Variants in MRAP observed in about 807,000 individuals in gnomAD.
MRAP encodes the protein melanocortin-2 receptor accessory protein.
Under a neutral mutation model 8.7 loss-of-function variants are expected in MRAP, and 8 were observed. The observed-to-expected ratio is 0.92, with a 90% CI of 0.54 to 1.66. MRAP has a LOEUF of 1.66. Ranked by LOEUF, MRAP falls within the 40% of genes most tolerant of loss-of-function variation. The pLI is 0.00. For synonymous variants in MRAP, 95 were observed against 95.5 expected, an observed-to-expected ratio of 1.00 and a Z score of 0.03; for missense variants, 237 against 217.1, an observed-to-expected ratio of 1.09 and a Z score of -0.58.
chr21:32,300,057 T>A (rs2032223689), intron 1 of MRAP, among the ~76,000 whole-genome samples: 1 of 152,192 alleles, frequency 6.6e-6, no homozygotes, highest in Non-Finnish European at 1.5e-5. Flanking sequence ...GTAGGAAGTC[T>A]TAGCTTCCTT....
upstream of MRAP, among the ~76,000 whole-genome samples, chr21:32,294,209 G>C (rs2032100026): frequency 6.6e-6 from 1 of 152,122 alleles, no homozygotes; most frequent in African/African-American, 2.4e-5. Flanking sequence ...CCACCTCCTG[G>C]GTTTACACCA....
intron 1 of MRAP, among the ~76,000 whole-genome samples, chr21:32,292,323 A>G (rs2032562119): frequency 6.6e-6 from 1 of 152,252 alleles, no homozygotes; most frequent in African/African-American, 2.4e-5. Flanking sequence ...TGATGGTTAC[A>G]TGTGAATTAA....
Position 32,301,141 on chromosome 21 carries a change from T to G in MRAP, c.106+2064T>G, listed in dbSNP as rs1474952726. 2.0e-5 allele frequency among the ~76,000 whole-genome samples: 3 copies of G among 150,344 alleles called. No individual in the cohort carries two copies. The East Asian group carries it at 5.8e-4, about 29-fold the overall frequency. Reference sequence around the variant, plus strand: ...ATATGATGGCTAATTTCTTTGTATTTTTAGTAGAGACGTGGTTTCACCGTG... The same window carrying G: ...ATATGATGGCTAATTTCTTTGTATTGTTAGTAGAGACGTGGTTTCACCGTG... On this transcript the variant is annotated intron_variant, in intron 1 of 2. Transcript: ENST00000303645.
At chr21:32,293,418 C>T (rs951059825) in intron 2 of MRAP, among the ~76,000 whole-genome samples, 2 of 152,160 alleles carry the variant, frequency 1.3e-5, no homozygotes, top group Non-Finnish European at 2.9e-5. Flanking sequence ...GTTGCAGCAG[C>T]CATAGCACAC....
upstream of MRAP, among the ~76,000 whole-genome samples, chr21:32,295,447 A>G (rs1178724711): frequency 6.6e-6 from 1 of 152,164 alleles, no homozygotes; most frequent in Admixed American, 6.5e-5. Flanking sequence ...GACCAGTTTT[A>G]GGTGTTTTCT....
chr21:32,307,332 T>C (rs2032444884), intron 2 of MRAP, among the ~76,000 whole-genome samples: 2 of 151,920 alleles, frequency 1.3e-5, no homozygotes, highest in Non-Finnish European at 2.9e-5. Flanking sequence ...CCCAGCACTT[T>C]GGGAGGCTGA....
chr21:32,304,594 A>T (rs554119887), intron 1 of MRAP, among the ~76,000 whole-genome samples: 146 of 151,976 alleles, frequency 9.6e-4, no homozygotes, highest in African/African-American at 3.5e-3. Context: ...CAGCCTGGTG[A>T]CAGATTAAGA....
chr21:32,293,716 A>G (rs1231295698), intron 2 of MRAP, among the ~76,000 whole-genome samples: 1 of 152,250 alleles, frequency 6.6e-6, no homozygotes, highest in Non-Finnish European at 1.5e-5. Flanking sequence ...CTTCACCTTC[A>G]AGACTTGGGT....
intron 2 of MRAP, chr21:32,311,337 C>T: frequency 3.7e-6 from 1 of 272,724 alleles, no homozygotes; most frequent in Non-Finnish European, 7.0e-6. Context: ...TACAAGTTGG[C>T]TTGGGCTATG....
chr21:32,296,005 A>T (rs1223112490), upstream of MRAP, among the ~76,000 whole-genome samples: 7 of 152,128 alleles, frequency 4.6e-5, no homozygotes, highest in Admixed American at 3.3e-4. Flanking sequence ...AACAAAAAAC[A>T]AAAACACAGA....
At chr21:32,314,687 C>A, downstream of MRAP, 1 of 1,593,968 alleles carries the variant, frequency 6.3e-7, no homozygotes, top group South Asian at 1.1e-5. Context: ...GCCTAGAAGT[C>A]CCCACATTCC....
chr21:32,306,521 T>A, intron 1 of MRAP, 119 bp from the exon 2 acceptor site: 1 of 776,104 alleles, frequency 1.3e-6, no homozygotes, highest in African/African-American at 1.7e-5. Flanking sequence ...GCTGAGAGGC[T>A]GGAGGACAAC....
upstream of MRAP, among the ~76,000 whole-genome samples, chr21:32,297,648 C>T (rs1368232778): frequency 1.3e-5 from 2 of 152,146 alleles, no homozygotes; most frequent in Non-Finnish European, 2.9e-5. Context: ...GACATAGTGT[C>T]AGGATTGAGT....
At chr21:32,309,371 C>G (rs1481351014) in intron 2 of MRAP, among the ~76,000 whole-genome samples, 1 of 152,078 alleles carries the variant, frequency 6.6e-6, no homozygotes, top group Non-Finnish European at 1.5e-5. Flanking sequence ...TCTCACCCAC[C>G]AGGGCTACAC....
At chr21:32,312,587 C>G (rs1018265983), downstream of MRAP, 3 of 164,726 alleles carry the variant, frequency 1.8e-5, no homozygotes, top group Admixed American at 1.7e-4. Flanking sequence ...AGCAGCCAGG[C>G]CGGGTAAGCA....
intron 1 of MRAP, among the ~76,000 whole-genome samples, chr21:32,305,533 G>A (rs1476849363): frequency 1.3e-5 from 2 of 152,230 alleles, no homozygotes; most frequent in East Asian, 3.9e-4. Context: ...GTTCAGAGGA[G>A]GAGGAGGTTG....
At chr21:32,300,519 C>A (rs956273022) in intron 1 of MRAP, among the ~76,000 whole-genome samples, 1 of 136,930 alleles carries the variant, frequency 7.3e-6, no homozygotes, top group Non-Finnish European at 1.5e-5. Flanking sequence ...TCCTATGTCA[C>A]GTCATGCGTC....
rs1349658081 is a variant in MRAP, at chr21:32,306,753, GGT to G, written c.206+18_206+19del. 1 of 1,607,110 alleles carries G rather than the reference GGT, an allele frequency of 6.2e-7. No individual in the cohort carries two copies. Among genetic ancestry groups the G allele is most frequent in the Non-Finnish European group, 8.5e-7 (1 of 1,173,704 alleles). ...CCCGCAGATGAGGTGGGTAAGAAGG[GGT>G]GTGAGTCTGTGGGTCACTCAGACGC... On this transcript the variant is annotated intron_variant, in intron 2 of 2. Transcript: ENST00000303645.
downstream of MRAP, chr21:32,313,014 G>GC (rs2032616417): frequency 6.6e-6 from 1 of 152,250 alleles, no homozygotes; most frequent in Non-Finnish European, 1.5e-5. Flanking sequence ...ACAAAGAAAA[G>GC]CAAGACTGAT....
Sources: gnomAD v4.1 joint callset for allele counts (sites outside exome capture counted in the v4.1 genomes callset) on GRCh38, gnomAD v4.1.1 for gene constraint, MANE v1.5 for transcripts, NCBI Gene and HGNC (gene_info 2026-07-23, HGNC 2026-07-21) for gene names.